RFC3: variants seen among roughly 807,000 people sequenced by gnomAD.
RFC3 encodes A1 38 kDa subunit.
RFC3 carries 41 observed loss-of-function variants against 45.1 expected under a neutral mutation model. The observed-to-expected ratio is 0.91, with a 90% CI of 0.71 to 1.18. The LOEUF is 1.18. Among genes scored for constraint, RFC3 ranks in the 50% most tolerant of loss-of-function variants. The pLI, the probability that RFC3 is intolerant of heterozygous loss-of-function variation, is 0.00. For synonymous variants in RFC3, 149 were observed against 144.0 expected, an observed-to-expected ratio of 1.03 and a Z score of -0.25; for missense variants, 423 against 428.1, an observed-to-expected ratio of 0.99 and a Z score of 0.10.
chr13:33,824,285 A>G (rs1469563383), intron 3 of RFC3, among the ~76,000 whole-genome samples: 2 of 152,146 alleles, frequency 1.3e-5, no homozygotes, highest in Admixed American at 6.5e-5. Flanking sequence ...TGGCTCATTC[A>G]TTACTGATGA....
chr13:33,882,504 G>A (rs1045244560), intron 8 of RFC3, among the ~76,000 whole-genome samples: 52 of 152,136 alleles, frequency 3.4e-4, no homozygotes, highest in African/African-American at 1.2e-3. Flanking sequence ...GATGGGATTA[G>A]TGCCCTTATA....
intron 8 of RFC3, among the ~76,000 whole-genome samples, chr13:33,901,579 T>C (rs988259957): frequency 2.6e-5 from 4 of 151,934 alleles, no homozygotes; most frequent in Non-Finnish European, 5.9e-5. Context: ...AATTAATTGG[T>C]ACAAATATAT....
At chr13:33,895,923 C>G (rs1430377638) in intron 8 of RFC3, among the ~76,000 whole-genome samples, 1 of 152,058 alleles carries the variant, frequency 6.6e-6, no homozygotes, top group Admixed American at 6.6e-5. Flanking sequence ...AACCAAATAC[C>G]ATATAATCTC....
chr13:33,943,010 A>T (rs1355350944), intron 8 of RFC3, among the ~76,000 whole-genome samples: 2 of 152,198 alleles, frequency 1.3e-5, no homozygotes, highest in African/African-American at 4.8e-5. Flanking sequence ...TAATCATTGG[A>T]GAATTTCATA....
chr13:33,864,908 A>G (rs1175596996), intron 8 of RFC3, among the ~76,000 whole-genome samples: 1 of 152,138 alleles, frequency 6.6e-6, no homozygotes, highest in Non-Finnish European at 1.5e-5. Flanking sequence ...TGGACATATG[A>G]TGTTGCAGAG....
At chr13:33,953,101 T>C (rs535787310) in intron 8 of RFC3, among the ~76,000 whole-genome samples, 1 of 152,272 alleles carries the variant, frequency 6.6e-6, no homozygotes, top group African/African-American at 2.4e-5. Flanking sequence ...ATTAAATATA[T>C]AATTTTGGGG....
chr13:33,954,646 G>C lies in RFC3; in HGVS notation c.880-11441G>C, dbSNP rs138497730. ...AAGTCCAAGATTAAGGGTGCTGGCA[G>C]ATCAGGTGTCTGCTGAGGACCCACC... is the stretch of plus-strand genomic sequence containing the variant. On this transcript the variant is annotated intron_variant, in intron 8 of 8. Coordinates refer to the RFC3 transcript ENST00000434425. 1.1e-4 allele frequency among the ~76,000 whole-genome samples: 17 copies of C among 152,310 alleles called. No individual in the cohort carries two copies. The East Asian group carries it at 2.9e-3, about 26-fold the overall frequency.
chr13:33,952,150 G>T (rs2082994935), intron 8 of RFC3, among the ~76,000 whole-genome samples: 1 of 152,208 alleles, frequency 6.6e-6, no homozygotes, highest in African/African-American at 2.4e-5. Flanking sequence ...GTTTATGTCT[G>T]GAGAATATTT....
intron 8 of RFC3, among the ~76,000 whole-genome samples, chr13:33,956,509 C>T (rs2083022879): frequency 1.3e-5 from 2 of 152,212 alleles, no homozygotes; most frequent in African/African-American, 4.8e-5. Context: ...ACATATGCTA[C>T]AGGAGATGTT....
chr13:33,946,630 C>G (rs2082956129), intron 8 of RFC3, among the ~76,000 whole-genome samples: 1 of 152,080 alleles, frequency 6.6e-6, no homozygotes, highest in Admixed American at 6.6e-5. Flanking sequence ...TTTTGTAAAT[C>G]TCTTTAATAA....
intron 8 of RFC3, among the ~76,000 whole-genome samples, chr13:33,843,742 G>A (rs945733583): frequency 6.6e-6 from 1 of 152,138 alleles, no homozygotes; most frequent in African/African-American, 2.4e-5. Flanking sequence ...TAAATTCACA[G>A]CTACCAACCA....
chr13:33,847,520 T>C (rs189513068), intron 8 of RFC3: 1 of 152,196 alleles, frequency 6.6e-6, no homozygotes, highest in East Asian at 1.9e-4. Context: ...TACTGTAAGA[T>C]TGTCAGCCAT....
rs56153039 is a variant in RFC3, at chr13:33,826,152, T to C, written c.391+266T>C. On this transcript the variant is annotated intron_variant, in intron 4 of 8. Transcript: ENST00000380071. ...TTCTTATGACCGAGTCATATGTTCATTATCAGATATTTAGATAAAAAAGAA... is the reference window on the plus strand; with the variant it reads ...TTCTTATGACCGAGTCATATGTTCACTATCAGATATTTAGATAAAAAAGAA... Among the ~76,000 whole-genome samples the C allele has an allele frequency of 5.4e-4, 82 of 152,314 alleles. 1 individual carries two copies. The East Asian group carries it at 0.014, about 26-fold the overall frequency.
At chr13:33,850,213 G>GT (rs1238623526) in intron 8 of RFC3, 4 of 151,996 alleles carry the variant, frequency 2.6e-5, no homozygotes, top group East Asian at 3.9e-4. Flanking sequence ...ATTTTACACA[G>GT]TTTTTTCTTT....
intron 8 of RFC3, among the ~76,000 whole-genome samples, chr13:33,884,676 A>G (rs2082508452): frequency 6.6e-6 from 1 of 152,136 alleles, no homozygotes; most frequent in Non-Finnish European, 1.5e-5. Flanking sequence ...TATTAAATCT[A>G]TTGATCTTGA....
At chr13:33,844,130 C>T (rs1308524139) in intron 8 of RFC3, among the ~76,000 whole-genome samples, 2 of 152,148 alleles carry the variant, frequency 1.3e-5, no homozygotes, top group African/African-American at 4.8e-5. Context: ...TTAGAGATTA[C>T]AGAAGAAAGT....
chr13:33,955,279 A>G (rs2083015029), intron 8 of RFC3, among the ~76,000 whole-genome samples: 2 of 152,236 alleles, frequency 1.3e-5, no homozygotes, highest in African/African-American at 4.8e-5. Context: ...AAGCAGTTGC[A>G]AGAGATAAAT....
At chr13:33,853,781 C>A (rs1260715022) in intron 8 of RFC3, among the ~76,000 whole-genome samples, 1 of 152,080 alleles carries the variant, frequency 6.6e-6, no homozygotes, top group East Asian at 1.9e-4. Context: ...AGGATGATAA[C>A]CCTAAGAAAA....
At chr13:33,937,667 T>C (rs78363156) in intron 8 of RFC3, among the ~76,000 whole-genome samples, 11,223 of 152,182 alleles carry the variant, frequency 0.074, 616 homozygotes, top group Non-Finnish European at 0.11. Flanking sequence ...CAGAAGATAA[T>C]CACATAACTT....
Sources: gnomAD v4.1 joint callset for allele counts (sites outside exome capture counted in the v4.1 genomes callset) on GRCh38, gnomAD v4.1.1 for gene constraint, MANE v1.5 for transcripts, NCBI Gene and HGNC (gene_info 2026-07-23, HGNC 2026-07-21) for gene names.